The following KCNIP4 variants were observed in gnomAD, a reference collection of about 807,000 sequenced individuals.
KCNIP4 encodes the protein potassium voltage-gated channel interacting protein 4.
KCNIP4 carries 12 observed loss-of-function variants against 34.0 expected under a neutral mutation model. The observed-to-expected ratio is 0.35, with a 90% CI of 0.23 to 0.57. KCNIP4 has a LOEUF of 0.57. Among genes scored for constraint, KCNIP4 ranks in the 20% least tolerant of loss-of-function variants. The pLI, the probability that KCNIP4 is intolerant of heterozygous loss-of-function variation, is 0.83. For synonymous variants in KCNIP4, 124 were observed against 102.2 expected (o/e 1.21, Z -1.29); for missense variants, 238 against 311.7 (o/e 0.76, Z 1.78).
intron 1 of KCNIP4, among the ~76,000 whole-genome samples, chr4:21,137,237 T>A (rs1044357274): frequency 1.3e-5 from 2 of 152,150 alleles, no homozygotes; most frequent in African/African-American, 4.8e-5. Flanking sequence ...AAGAGCTCCC[T>A]CTATCACACA....
At chr4:21,047,806 G>A (rs1051611128) in intron 1 of KCNIP4, among the ~76,000 whole-genome samples, 8 of 152,116 alleles carry the variant, frequency 5.3e-5, no homozygotes, top group Non-Finnish European at 8.8e-5. Flanking sequence ...TCTGTCCTCC[G>A]TAGTCTGGCT....
intron 1 of KCNIP4, among the ~76,000 whole-genome samples, chr4:21,828,697 T>G (rs1228465343): frequency 6.6e-6 from 1 of 151,884 alleles, no homozygotes; most frequent in Non-Finnish European, 1.5e-5. Context: ...AAAGGCACCA[T>G]GAAATCATGT....
intron 1 of KCNIP4, among the ~76,000 whole-genome samples, chr4:21,215,320 G>A (rs73249505): frequency 0.012 from 1,769 of 152,160 alleles, 11 homozygotes; most frequent in Non-Finnish European, 0.019. Flanking sequence ...TTGTTGGAAT[G>A]ACAATGTGAA....
intron 1 of KCNIP4, among the ~76,000 whole-genome samples, chr4:21,524,808 T>A (rs938685210): frequency 6.6e-6 from 1 of 152,120 alleles, no homozygotes; most frequent in Non-Finnish European, 1.5e-5. Context: ...TTTTTTTATT[T>A]TTTGCATCAT....
At chr4:21,440,510 A>T (rs1351359833) in intron 1 of KCNIP4, among the ~76,000 whole-genome samples, 5 of 152,202 alleles carry the variant, frequency 3.3e-5, no homozygotes, top group Non-Finnish European at 7.4e-5. Flanking sequence ...CCCTGCAGTG[A>T]TTGCTTTGTT....
rs11382765 is a variant in KCNIP4, at chr4:20,818,920, C to CTTTT, written c.288+31619_288+31622dup. Among the ~76,000 whole-genome samples, 252 of 104,944 alleles carry CTTTT rather than the reference C, an allele frequency of 2.4e-3. 9 individuals are homozygous for CTTTT. Among genetic ancestry groups the CTTTT allele is most frequent in the Middle Eastern group, 7.2e-3 (1 of 138 alleles). 68.8% of individuals were successfully genotyped at this position (104,944 alleles called of 152,430 possible). ...GCTAGTCATTCTATATATATTATCT[C>CTTTT]TTTTTTTTTTTTTTTTTTTTTTGAG... is the stretch of plus-strand genomic sequence containing the variant. On this transcript the variant is annotated intron_variant, in intron 3 of 8. Coordinates refer to ENST00000382152, the MANE Select transcript of KCNIP4 (RefSeq NM_025221.6).
chr4:21,199,035 T>C (rs1379358551), intron 1 of KCNIP4, among the ~76,000 whole-genome samples: 1 of 152,220 alleles, frequency 6.6e-6, no homozygotes, highest in Non-Finnish European at 1.5e-5. Flanking sequence ...GATCTGGTGC[T>C]GTCCTTTCTC....
intron 1 of KCNIP4, among the ~76,000 whole-genome samples, chr4:21,024,299 C>T (rs949105229): frequency 6.6e-6 from 1 of 152,132 alleles, no homozygotes; most frequent in African/African-American, 2.4e-5. Context: ...CAACCAGAGT[C>T]CTCTCTTTAG....
chr4:21,682,157 C>T (rs112506307), intron 1 of KCNIP4, among the ~76,000 whole-genome samples: 2,134 of 152,202 alleles, frequency 0.014, 26 homozygotes, highest in Middle Eastern at 0.034. Flanking sequence ...CCTTCCAAAG[C>T]GCTGAGATTA....
chr4:20,976,223 A>T (rs574617532), intron 1 of KCNIP4, among the ~76,000 whole-genome samples: 1 of 152,212 alleles, frequency 6.6e-6, no homozygotes, highest in Admixed American at 6.5e-5. Flanking sequence ...TAGAAATGTG[A>T]ATTATGACCC....
chr4:21,846,533 C>T (rs893505757), intron 1 of KCNIP4: 3 of 151,954 alleles, frequency 2.0e-5, no homozygotes, highest in African/African-American at 4.8e-5. Flanking sequence ...AGGATTGCTG[C>T]GAGAATGAAG....
chr4:21,462,036 C>T (rs1031978842), intron 1 of KCNIP4, among the ~76,000 whole-genome samples: 19 of 152,002 alleles, frequency 1.2e-4, no homozygotes, highest in African/African-American at 4.6e-4. Context: ...CTTATCATTT[C>T]TTTGTGGTAA....
At chr4:21,511,744 CTG>C (rs1467891644) in intron 1 of KCNIP4, among the ~76,000 whole-genome samples, 10 of 152,294 alleles carry the variant, frequency 6.6e-5, no homozygotes, top group Non-Finnish European at 1.5e-4. Flanking sequence ...ATAATTTAAA[CTG>C]TGGCTTTCAA....
chr4:21,883,586 A>G (rs1726587873), intron 1 of KCNIP4, among the ~76,000 whole-genome samples: 1 of 152,178 alleles, frequency 6.6e-6, no homozygotes, highest in African/African-American at 2.4e-5. Context: ...ATCTAAAAGC[A>G]AAGAACTTAC....
At chr4:21,469,345 C>T (rs1388167988) in intron 1 of KCNIP4, among the ~76,000 whole-genome samples, 1 of 152,066 alleles carries the variant, frequency 6.6e-6, no homozygotes, top group East Asian at 1.9e-4. Flanking sequence ...CGCACCTGGC[C>T]AATATACATT....
At chr4:21,749,514 C>A (rs1162789650) in intron 1 of KCNIP4, among the ~76,000 whole-genome samples, 1 of 152,134 alleles carries the variant, frequency 6.6e-6, no homozygotes, top group Non-Finnish European at 1.5e-5. Flanking sequence ...CCCAGACATG[C>A]AGATAGTGGT....
intron 1 of KCNIP4, among the ~76,000 whole-genome samples, chr4:21,928,680 A>C (rs1729400225): frequency 1.3e-5 from 2 of 152,080 alleles, no homozygotes; most frequent in Non-Finnish European, 2.9e-5. Context: ...TATTTGGGAT[A>C]ATCTCCCCCT....
At chr4:21,286,559 A>G (rs114127276) in intron 1 of KCNIP4, among the ~76,000 whole-genome samples, 4,931 of 152,272 alleles carry the variant, frequency 0.032, 111 homozygotes, top group Non-Finnish European at 0.053. Flanking sequence ...AGCCAGAAAC[A>G]TTTCTCCTAA....
intron 1 of KCNIP4, among the ~76,000 whole-genome samples, chr4:21,124,468 G>A (rs542303353): frequency 5.9e-5 from 9 of 152,090 alleles, no homozygotes; most frequent in East Asian, 1.9e-4. Context: ...AAAATGAGTC[G>A]TTTGTCTTAC....
Sources: allele counts gnomAD v4.1 joint callset (sites outside exome capture counted in the v4.1 genomes callset), GRCh38; gene constraint gnomAD v4.1.1; transcripts MANE v1.5; gene names NCBI Gene and HGNC (gene_info 2026-07-23, HGNC 2026-07-21).